PGAP1: variants seen among roughly 807,000 people sequenced by gnomAD.
PGAP1 encodes GPI inositol-deacylase.
In PGAP1, 76 loss-of-function variants were observed where a neutral mutation model predicts 127.0. That is an observed-to-expected ratio of 0.60 (90% CI 0.50 to 0.72). The LOEUF (loss-of-function observed/expected upper bound fraction) is 0.72. PGAP1 is among the 30% of genes least tolerant of loss of function. PGAP1 has a pLI of 0.00. For synonymous variants in PGAP1, 362 were observed against 366.5 expected (o/e 0.99, Z 0.14); for missense variants, 982 against 1,071.3 (o/e 0.92, Z 1.16).
In PGAP1 at chr2:196,880,138, G is replaced by T; in HGVS notation, c.1288C>A (p.Leu430Ile). The T allele has an allele frequency of 1.3e-6, 2 of 1,552,992 alleles. No individual in the cohort carries two copies. Among genetic ancestry groups the T allele is most frequent in the Non-Finnish European group, 1.7e-6 (2 of 1,151,574 alleles). The change falls in exon 13 of 27, where the codon CTT becomes ATT. Residue 430 changes from leucine (L) to isoleucine (I), a missense_variant. Transcript: ENST00000354764. ...TGAGACAAAGATGGATAGTCTTGAA[G>T]TCTTAATGTCAGATACTAAAATAAA... ...LPTIKYLTLR[L>I]QDYPSLSHLV...
At chr2:196,895,047 T>C (rs1702228923) in intron 7 of PGAP1, among the ~76,000 whole-genome samples, 1 of 152,198 alleles carries the variant, frequency 6.6e-6, no homozygotes, top group East Asian at 1.9e-4. Context: ...GAGGGTTAGA[T>C]ATCATACCTT....
chr2:196,868,972 T>C (rs757077399), intron 19 of PGAP1, among the ~76,000 whole-genome samples: 3 of 152,192 alleles, frequency 2.0e-5, no homozygotes, highest in Non-Finnish European at 2.9e-5. Context: ...ATTCAATTAA[T>C]ACAAATTATT....
At chr2:196,915,812 G>GCCCCTCT (rs1702987015) in intron 3 of PGAP1, among the ~76,000 whole-genome samples, 1 of 152,196 alleles carries the variant, frequency 6.6e-6, no homozygotes, top group African/African-American at 2.4e-5. Context: ...CATTTTTAGA[G>GCCCCTCT]CCCCTTTCTT....
At chr2:196,869,543 C>G (rs1701346598) in intron 19 of PGAP1, among the ~76,000 whole-genome samples, 1 of 152,140 alleles carries the variant, frequency 6.6e-6, no homozygotes, top group Non-Finnish European at 1.5e-5. Flanking sequence ...ACCGTGTTAG[C>G]CAGGATGGTC....
rs939586875 is a variant in PGAP1 at position 196,926,452 on chromosome 2, G to A, written c.147+18C>T. The A allele has an allele frequency of 6.2e-7, 1 of 1,613,796 alleles. No homozygotes were observed. The highest frequency in any genetic ancestry group is 1.3e-5 in the African/African-American group (1 of 74,892). On this transcript the variant is annotated intron_variant, in intron 1 of 26. Transcript: ENST00000354764. ...CAGAGTCTTGGAGCGCCCGGCTGAGGAGAGGGCAGAACCTTACCTGATACT... is the reference window on the plus strand; with the variant it reads ...CAGAGTCTTGGAGCGCCCGGCTGAGAAGAGGGCAGAACCTTACCTGATACT...
intron 20 of PGAP1, among the ~76,000 whole-genome samples, chr2:196,864,390 CAAA>C (rs752788293): frequency 4.6e-4 from 15 of 32,386 alleles, no homozygotes; most frequent in African/African-American, 1.8e-3. Context: ...AACTACGTCT[CAAA>C]AAAAAAAAAA....
At position 196,836,979 on chromosome 2, in the gene PGAP1, G is replaced by GA. The variant is rs1386288460; in HGVS notation, c.*4254dup. 2.6e-5 allele frequency: 4 copies of GA among 152,122 alleles called. No homozygotes were observed. Among genetic ancestry groups the GA allele is most frequent in the African/African-American group, 9.7e-5 (4 of 41,436 alleles). The allele number at this position is 152,122 out of a possible 1,614,324, so 9.4% of individuals were successfully genotyped here. A position where few individuals can be genotyped will look rare whatever the true frequency, so the allele number is the denominator to read the frequency against. ...AATAATCAACAAATGCCTAGTCATAGAAAGTCCCAACACATTTTCATTTTT... is the reference window on the plus strand; with the variant it reads ...AATAATCAACAAATGCCTAGTCATAGAAAAGTCCCAACACATTTTCATTTTT... On this transcript the variant is annotated 3_prime_UTR_variant, in exon 27 of 27. Coordinates refer to ENST00000354764, the MANE Select transcript of PGAP1 (RefSeq NM_024989.4).
intron 7 of PGAP1, among the ~76,000 whole-genome samples, chr2:196,893,755 A>G (rs1559358980): frequency 6.6e-6 from 1 of 152,138 alleles, no homozygotes; most frequent in African/African-American, 2.4e-5. Flanking sequence ...CATAGAAATT[A>G]CTCTCTTTTA....
intron 12 of PGAP1, among the ~76,000 whole-genome samples, chr2:196,882,707 CATG>C (rs1405687312): frequency 6.6e-6 from 1 of 152,122 alleles, no homozygotes; most frequent in Non-Finnish European, 1.5e-5. Context: ...GATTTTGTAT[CATG>C]ATAATTTGCT....
rs555762437 is a variant in PGAP1, at chr2:196,871,551, A to G, written c.1729-572T>C. On this transcript the variant is annotated intron_variant, in intron 18 of 26. Coordinates refer to ENST00000354764, the MANE Select transcript of PGAP1 (RefSeq NM_024989.4). Reference sequence around the variant, plus strand: ...TTTTTTGTATTGCTTTAATATTATAAATATGAACATGCAAATTAAAAACTA... The same window carrying G: ...TTTTTTGTATTGCTTTAATATTATAGATATGAACATGCAAATTAAAAACTA... 1.6e-3 allele frequency among the ~76,000 whole-genome samples: 237 copies of G among 152,264 alleles called. 3 individuals carry two copies. The Middle Eastern group carries it at 0.02, about 13-fold the overall frequency.
At chr2:196,849,351 C>T (rs1451455409) in intron 20 of PGAP1, among the ~76,000 whole-genome samples, 1 of 151,254 alleles carries the variant, frequency 6.6e-6, no homozygotes, top group Non-Finnish European at 1.5e-5. Flanking sequence ...GCAACCTCTG[C>T]CTCCCGGGTT....
chr2:196,898,689 CAAGTTT>C (rs1208301023), intron 5 of PGAP1, among the ~76,000 whole-genome samples: 1 of 152,082 alleles, frequency 6.6e-6, no homozygotes, highest in African/African-American at 2.4e-5. Context: ...TAATGAGAGA[CAAGTTT>C]AAGATTCTTT....
At position 196,840,868 on chromosome 2, in the gene PGAP1, A is replaced by G. The variant is rs1489961280; in HGVS notation, c.*366T>C. On this transcript the variant is annotated 3_prime_UTR_variant, in exon 27 of 27. Coordinates refer to ENST00000354764, the MANE Select transcript of PGAP1 (RefSeq NM_024989.4). ...TTGTGAAAAAAAGTTTGATGAAATG[A>G]GCAGAATGCTTGCAGTGAGACTGCA... 1 of 167,014 alleles carries G rather than the reference A, an allele frequency of 6.0e-6. No homozygotes were observed. The highest frequency in any genetic ancestry group is 1.3e-5 in the Non-Finnish European group (1 of 78,366). The allele number at this position is 167,014 out of a possible 1,614,324, so 10.3% of individuals were successfully genotyped here.
At chr2:196,843,144 A>G (rs1700461585) in intron 25 of PGAP1, among the ~76,000 whole-genome samples, 1 of 152,172 alleles carries the variant, frequency 6.6e-6, no homozygotes, top group Non-Finnish European at 1.5e-5. Flanking sequence ...AAAATACATG[A>G]GTACTACTCT....
rs542457062 is a variant in PGAP1 at position 196,852,074 on chromosome 2, G to A, written c.1862-4037C>T. ...CCAATTTTGTCAGAAATGTAATTTG[G>A]ATCTAATTATCTTTCATAAACCAGT... is the stretch of plus-strand genomic sequence containing the variant. On this transcript the variant is annotated intron_variant, in intron 20 of 26. Transcript: ENST00000354764. 4.3e-4 allele frequency among the ~76,000 whole-genome samples: 65 copies of A among 152,010 alleles called. 2 individuals carry two copies. In the South Asian group the frequency reaches 0.014, roughly 32 times the overall value.
At chr2:196,867,554 A>T (rs1701281859) in intron 19 of PGAP1, among the ~76,000 whole-genome samples, 2 of 152,168 alleles carry the variant, frequency 1.3e-5, no homozygotes, top group African/African-American at 4.8e-5. Flanking sequence ...CAGCAAACCA[A>T]CACAGCATGT....
chr2:196,842,973 A>G, intron 25 of PGAP1, 148 bp from the exon 26 acceptor site: 1 of 379,994 alleles, frequency 2.6e-6, no homozygotes, highest in Non-Finnish European at 4.8e-6. Flanking sequence ...TATCTGATAA[A>G]TAATTTTTGT....
Position 196,843,962 on chromosome 2 carries a change from A to G in PGAP1, c.2451T>C (p.Ser817=), listed in dbSNP as rs1700486363. 1.2e-6 allele frequency: 2 copies of G among 1,608,202 alleles called. No individual in the cohort carries two copies. Among genetic ancestry groups the G allele is most frequent in the Non-Finnish European group, 1.7e-6 (2 of 1,176,046 alleles). The change falls in exon 25 of 27, where the codon AGT becomes AGC. Residue 817 remains serine, a synonymous_variant. Transcript: ENST00000354764. ...NDAEDSLRMH[S]TVINLLTWIV... ...TCCATGTTAGTAAGTTAATCACAGT[A>G]CTGTGCATGCGAAGGCTATCTTCAG...
chr2:196,906,834 T>G (rs1373381160), intron 4 of PGAP1, among the ~76,000 whole-genome samples: 1 of 40,504 alleles, frequency 2.5e-5, no homozygotes, highest in Admixed American at 3.0e-4. Context: ...TGCGATCAAC[T>G]GGAAGAAAGG....
Sources: gnomAD v4.1 joint callset for allele counts (sites outside exome capture counted in the v4.1 genomes callset) on GRCh38, gnomAD v4.1.1 for gene constraint, MANE v1.5 for transcripts, NCBI Gene and HGNC (gene_info 2026-07-23, HGNC 2026-07-21) for gene names.